Variants in MYT1L observed in about 807,000 individuals in gnomAD.
MYT1L encodes myelin transcription factor 1-like protein.
In MYT1L, 12 loss-of-function variants were observed where a neutral mutation model predicts 126.7. The observed-to-expected ratio is 0.09, with a 90% CI of 0.06 to 0.15. MYT1L has a LOEUF of 0.15. Among genes scored for constraint, MYT1L ranks in the 10% least tolerant of loss-of-function variants. MYT1L has a pLI of 1.00. For synonymous variants in MYT1L, 541 were observed against 604.2 expected, an observed-to-expected ratio of 0.90 and a Z score of 1.53; for missense variants, 979 against 1,585.2, an observed-to-expected ratio of 0.62 and a Z score of 6.49.
chr2:2,303,354 T>G (rs2095813611), intron 1 of MYT1L: 1 of 152,322 alleles, frequency 6.6e-6, no homozygotes, highest in South Asian at 2.1e-4. Context: ...TCATGCCCTC[T>G]TCTTCCTTTA....
At chr2:2,138,609 C>T (rs2083429389) in intron 3 of MYT1L, among the ~76,000 whole-genome samples, 2 of 137,430 alleles carry the variant, frequency 1.5e-5, no homozygotes, top group African/African-American at 5.5e-5. Context: ...AAACCAAACA[C>T]CGCATATTCT....
intron 4 of MYT1L, among the ~76,000 whole-genome samples, chr2:2,019,316 C>T (rs189180132): frequency 5.5e-4 from 83 of 152,240 alleles, no homozygotes; most frequent in South Asian, 2.1e-4. Flanking sequence ...TGCCACCATG[C>T]GAGATGTGAC....
intron 4 of MYT1L, among the ~76,000 whole-genome samples, chr2:2,011,602 A>G (rs1394823932): frequency 6.6e-6 from 1 of 152,094 alleles, no homozygotes; most frequent in Admixed American, 6.5e-5. Flanking sequence ...CAATCTACAG[A>G]AGGGGAGAAG....
intron 2 of MYT1L, among the ~76,000 whole-genome samples, chr2:2,202,165 A>C (rs1572411324): frequency 6.6e-6 from 1 of 152,228 alleles, no homozygotes; most frequent in East Asian, 1.9e-4. Context: ...CACAAGAGAA[A>C]GCAGGAAAGA....
chr2:2,060,678 T>G (rs564133786), intron 3 of MYT1L, among the ~76,000 whole-genome samples: 1 of 40,874 alleles, frequency 2.4e-5, no homozygotes. Context: ...TCCCCTCCCC[T>G]CCCCTCCCCT....
chr2:2,283,825 T>C (rs560973340), intron 2 of MYT1L, among the ~76,000 whole-genome samples: 1 of 152,306 alleles, frequency 6.6e-6, no homozygotes, highest in South Asian at 2.1e-4. Flanking sequence ...AATGGGGCTC[T>C]GATTGGAAGT....
In MYT1L at chr2:2,134,542, G is replaced by A. The variant is rs546376921; in HGVS notation, c.-304+38330C>T. On this transcript the variant is annotated intron_variant, in intron 3 of 24. Coordinates refer to ENST00000647738, the MANE Select transcript of MYT1L (RefSeq NM_001303052.2). ...GGCTCTTGGAGGAGAGGCATTGGAT[G>A]ATGAGGTCATGAAGATGGAGCCTTT... 1.5e-4 allele frequency among the ~76,000 whole-genome samples: 23 copies of A among 152,282 alleles called. No homozygotes were observed. The South Asian group carries it at 4.8e-3, about 32-fold the overall frequency.
chr2:1,923,842 G>A (rs2053882385), intron 9 of MYT1L, among the ~76,000 whole-genome samples: 1 of 152,222 alleles, frequency 6.6e-6, no homozygotes, highest in Admixed American at 6.5e-5. Context: ...TGTTGGGGCT[G>A]AATTAAGAGT....
intron 4 of MYT1L, among the ~76,000 whole-genome samples, chr2:2,015,839 T>C (rs2064322950): frequency 6.6e-6 from 1 of 152,190 alleles, no homozygotes; most frequent in African/African-American, 2.4e-5. Context: ...TTTGTCTATC[T>C]TGCAGATGTT....
At chr2:2,052,730 C>T (rs569617547) in intron 4 of MYT1L, among the ~76,000 whole-genome samples, 13 of 152,298 alleles carry the variant, frequency 8.5e-5, no homozygotes, top group African/African-American at 2.6e-4. Context: ...TGCCACTTCA[C>T]ATCCATCAGG....
chr2:2,123,790 G>A (rs1172676439), intron 3 of MYT1L, among the ~76,000 whole-genome samples: 1 of 152,196 alleles, frequency 6.6e-6, no homozygotes, highest in African/African-American at 2.4e-5. Flanking sequence ...GATAGTGGAG[G>A]GCCCAGTGTC....
chr2:2,014,197 T>G (rs1323172099), intron 4 of MYT1L, among the ~76,000 whole-genome samples: 1 of 105,420 alleles, frequency 9.5e-6, no homozygotes, highest in African/African-American at 4.6e-5. Context: ...AGGAATCCTG[T>G]TTTTTTTTTT....
chr2:1,812,664 T>A (rs563635275), intron 21 of MYT1L, among the ~76,000 whole-genome samples: 1 of 152,046 alleles, frequency 6.6e-6, no homozygotes, highest in African/African-American at 2.4e-5. Flanking sequence ...GATCATGAGG[T>A]CAGGAGTTCC....
At chr2:2,101,364 T>A (rs187717041) in intron 3 of MYT1L, among the ~76,000 whole-genome samples, 1 of 152,242 alleles carries the variant, frequency 6.6e-6, no homozygotes, top group African/African-American at 2.4e-5. Context: ...CTTAACCCTT[T>A]GGAACCCCAT....
chr2:2,320,590 A>G (rs1201761313), intron 1 of MYT1L, among the ~76,000 whole-genome samples: 1 of 152,220 alleles, frequency 6.6e-6, no homozygotes, highest in Non-Finnish European at 1.5e-5. Flanking sequence ...CACTGTTAGA[A>G]CAACTACCAT....
chr2:1,818,036 T>G (rs1315875890), intron 21 of MYT1L, among the ~76,000 whole-genome samples: 1 of 151,528 alleles, frequency 6.6e-6, no homozygotes, highest in African/African-American at 2.4e-5. Flanking sequence ...CAGATGAAGG[T>G]TCCAGCGAAA....
At chr2:1,956,818 T>C (rs1386274864) in intron 8 of MYT1L, among the ~76,000 whole-genome samples, 2 of 149,760 alleles carry the variant, frequency 1.3e-5, no homozygotes, top group Admixed American at 6.6e-5. Context: ...CACAGTAATC[T>C]AGTGAAAAGC....
intron 3 of MYT1L, among the ~76,000 whole-genome samples, chr2:2,163,266 A>T (rs2088343688): frequency 6.6e-6 from 1 of 152,002 alleles, no homozygotes; most frequent in African/African-American, 2.4e-5. Flanking sequence ...GGCCTTCATC[A>T]CCACCCTGCT....
chr2:1,990,357 T>C (rs2061364910), intron 5 of MYT1L, among the ~76,000 whole-genome samples: 1 of 152,218 alleles, frequency 6.6e-6, no homozygotes, highest in African/African-American at 2.4e-5. Flanking sequence ...TTCAATTCAT[T>C]CTTGAATTCT....
Sources: gnomAD v4.1 joint callset for allele counts (sites outside exome capture counted in the v4.1 genomes callset) on GRCh38, gnomAD v4.1.1 for gene constraint, MANE v1.5 for transcripts, NCBI Gene and HGNC (gene_info 2026-07-23, HGNC 2026-07-21) for gene names.